Variants in GNE observed in about 807,000 individuals in gnomAD.
GNE encodes glucosamine (UDP-N-acetyl)-2-epimerase/N-acetylmannosamine kinase, also known as bifunctional UDP-N-acetylglucosamine 2-epimerase/N-acetylmannosamine kinase.
GNE carries 41 observed loss-of-function variants against 61.8 expected under a neutral mutation model. That is an observed-to-expected ratio of 0.66 (90% CI 0.52 to 0.86). GNE has a LOEUF of 0.86. Among genes scored for constraint, GNE ranks in the 40% least tolerant of loss-of-function variants. The pLI, the probability that GNE is intolerant of heterozygous loss-of-function variation, is 0.00. For synonymous variants in GNE, 264 were observed against 326.4 expected (o/e 0.81, Z 2.06); for missense variants, 608 against 909.1 (o/e 0.67, Z 4.26).
chr9:36,275,332 G>C (rs1831221628), intron 1 of GNE, among the ~76,000 whole-genome samples: 1 of 152,122 alleles, frequency 6.6e-6, no homozygotes, highest in Non-Finnish European at 1.5e-5. Flanking sequence ...TTTTAAAAGA[G>C]TATTTCCTGG....
chr9:36,226,189 T>C (rs1400097569), intron 7 of GNE, among the ~76,000 whole-genome samples: 1 of 152,196 alleles, frequency 6.6e-6, no homozygotes, highest in Non-Finnish European at 1.5e-5. Flanking sequence ...GTTTTGTTTT[T>C]TGAGATGGAG....
chr9:36,232,764 T>C (rs1402358216), intron 5 of GNE, among the ~76,000 whole-genome samples: 2 of 152,246 alleles, frequency 1.3e-5, no homozygotes, highest in Non-Finnish European at 2.9e-5. Flanking sequence ...ATTTCTTTTG[T>C]GTATGTCTAT....
chr9:36,254,439 G>T (rs1005676096), intron 1 of GNE, among the ~76,000 whole-genome samples: 44 of 151,926 alleles, frequency 2.9e-4, no homozygotes, highest in African/African-American at 9.9e-4. Flanking sequence ...GGCTGAGGCA[G>T]GAAGATCACT....
At chr9:36,259,718 T>C (rs1383491484), upstream of GNE, among the ~76,000 whole-genome samples, 1 of 152,216 alleles carries the variant, frequency 6.6e-6, no homozygotes, top group South Asian at 2.1e-4. Context: ...TGGAGTACAG[T>C]GGTACGATCT....
chr9:36,255,747 C>T (rs1830302632), intron 1 of GNE, among the ~76,000 whole-genome samples: 1 of 152,174 alleles, frequency 6.6e-6, no homozygotes, highest in African/African-American at 2.4e-5. Flanking sequence ...GGACTGAATA[C>T]TTGCATCCAT....
At chr9:36,272,145 G>A (rs917530072) in intron 1 of GNE, among the ~76,000 whole-genome samples, 5 of 152,158 alleles carry the variant, frequency 3.3e-5, no homozygotes, top group Non-Finnish European at 7.3e-5. Context: ...TGGGAAATTT[G>A]GCGGTCTTAT....
At chr9:36,239,918 T>A (rs192427059) in intron 3 of GNE, among the ~76,000 whole-genome samples, 4 of 152,178 alleles carry the variant, frequency 2.6e-5, no homozygotes, top group Admixed American at 6.5e-5. Context: ...TAATTTAATT[T>A]TGCAGCTGTT....
At chr9:36,219,213 C>A (rs923227410) in intron 10 of GNE, among the ~76,000 whole-genome samples, 7 of 152,144 alleles carry the variant, frequency 4.6e-5, no homozygotes, top group Non-Finnish European at 7.4e-5. Flanking sequence ...ATAGGGGGCA[C>A]CACCAGGCAG....
intron 9 of GNE, among the ~76,000 whole-genome samples, chr9:36,222,135 T>G (rs1828613672): frequency 6.6e-6 from 1 of 151,840 alleles, no homozygotes; most frequent in South Asian, 2.1e-4. Context: ...CAAAAACATT[T>G]CGGCCGGGCG....
upstream of GNE, among the ~76,000 whole-genome samples, chr9:36,262,779 C>G (rs1830652227): frequency 6.6e-6 from 1 of 152,148 alleles, no homozygotes; most frequent in Non-Finnish European, 1.5e-5. Context: ...GCTTATCTGG[C>G]CACTTTGGGA....
chr9:36,252,335 C>T (rs1830138677), intron 1 of GNE, among the ~76,000 whole-genome samples: 2 of 152,084 alleles, frequency 1.3e-5, no homozygotes, highest in African/African-American at 2.4e-5. Context: ...AAATGGTTGT[C>T]GTAAGTGTTC....
chr9:36,261,451 GC>G (rs1277102263), upstream of GNE, among the ~76,000 whole-genome samples: 2 of 151,930 alleles, frequency 1.3e-5, no homozygotes, highest in African/African-American at 4.8e-5. Flanking sequence ...TACTTGGGAG[GC>G]CGAGGCAGGA....
intron 1 of GNE, among the ~76,000 whole-genome samples, chr9:36,265,775 G>T (rs1488158747): frequency 6.6e-6 from 1 of 152,078 alleles, no homozygotes; most frequent in Admixed American, 6.6e-5. Context: ...CATAAGGAGC[G>T]TTCAACCTAG....
chr9:36,260,868 CAAAAAAAAAAA>C (rs745821430), upstream of GNE, among the ~76,000 whole-genome samples: 18 of 96,038 alleles, frequency 1.9e-4, no homozygotes, highest in African/African-American at 5.9e-4. Context: ...GACTCTATCT[CAAAAAAAAAAA>C]AAAAAAAAAA....
Position 36,218,239 on chromosome 9 carries a change from T to G in GNE, c.1877A>C (p.His626Pro). ...GCCAAGTTTCGCAGCTTGGATGAGATGGAGCGCACCCACAGCCTCATCTTT... is the reference window on the plus strand; with the variant it reads ...GCCAAGTTTCGCAGCTTGGATGAGAGGGAGCGCACCCACAGCCTCATCTTT... ...VPKDEAVGAL[H>P]LIQAAKLGNA... Residue 626 changes from histidine (H) to proline (P), a missense_variant, in exon 11 of 12, where the codon CAT (histidine) becomes CCT (proline). Coordinates refer to ENST00000642385, the MANE Select transcript of GNE (RefSeq NM_005476.7). This position sits in a 1 kb window ranked among gnomAD's most constrained non-coding sequence, Gnocchi z 4.1. The G allele has an allele frequency of 6.2e-7, 1 of 1,614,082 alleles. No individual in the cohort carries two copies. Among genetic ancestry groups the G allele is most frequent in the Non-Finnish European group, 8.5e-7 (1 of 1,179,982 alleles).
In GNE at chr9:36,219,820, C is replaced by T. The variant is rs528294561; in HGVS notation, c.1816+18G>A. On this transcript the variant is annotated intron_variant, in intron 10 of 11. Coordinates refer to ENST00000642385, the MANE Select transcript of GNE (RefSeq NM_005476.7). ...TCTACTATTTGGTTACTTAATTCCT[C>T]GAGAGAGGGACACCAACCATCATGG... 1.8e-5 allele frequency: 29 copies of T among 1,611,222 alleles called. No individual in the cohort carries two copies. Among genetic ancestry groups the T allele is most frequent in the Admixed American group, 5.0e-5 (3 of 60,026 alleles).
At chr9:36,276,169 T>C (rs543671278) in intron 1 of GNE, among the ~76,000 whole-genome samples, 2 of 143,638 alleles carry the variant, frequency 1.4e-5, no homozygotes, top group Non-Finnish European at 3.2e-5. Flanking sequence ...CAAGATCCTG[T>C]CTTTAAACAC....
intron 1 of GNE, among the ~76,000 whole-genome samples, chr9:36,251,250 T>A (rs1587351672): frequency 6.6e-6 from 1 of 152,254 alleles, no homozygotes; most frequent in Middle Eastern, 3.4e-3. Flanking sequence ...CCCCCACGTT[T>A]CTCAGTTGCT....
intron 1 of GNE, among the ~76,000 whole-genome samples, chr9:36,255,858 G>A (rs1433013877): frequency 6.6e-6 from 1 of 152,168 alleles, no homozygotes; most frequent in Non-Finnish European, 1.5e-5. Context: ...TAGACAGATA[G>A]ATGATAGTTT....
Sources: allele counts gnomAD v4.1 joint callset (sites outside exome capture counted in the v4.1 genomes callset), GRCh38; gene constraint gnomAD v4.1.1; non-coding constraint Gnocchi (gnomAD v3.1); transcripts MANE v1.5; gene names NCBI Gene and HGNC (gene_info 2026-07-23, HGNC 2026-07-21).